Variants in ADGRD1 observed in about 807,000 individuals in gnomAD.
ADGRD1 encodes the protein G-protein coupled receptor 133.
In ADGRD1, 77 loss-of-function variants were observed where a neutral mutation model predicts 113.4. That is an observed-to-expected ratio of 0.68 (90% confidence interval 0.57 to 0.82). The LOEUF (loss-of-function observed/expected upper bound fraction) is 0.82, where lower values mean the gene tolerates loss of function less well. Among genes scored for constraint, ADGRD1 ranks in the 40% least tolerant of loss-of-function variants. The probability of loss-of-function intolerance (pLI) is 0.00; values close to 1 mark genes in which losing one functional copy is unlikely to be tolerated. For synonymous variants in ADGRD1, 474 were observed against 475.0 expected (o/e 1.00, Z 0.03); for missense variants, 1,036 against 1,139.1 (o/e 0.91, Z 1.30).
intron 18 of ADGRD1, 50 bp downstream of exon 18, chr12:131,108,927 G>A: frequency 9.7e-7 from 1 of 1,027,384 alleles, no homozygotes; most frequent in East Asian, 4.5e-5. Flanking sequence ...GACAGGAAGA[G>A]ACAGGTGGGG....
At chr12:131,094,465 G>C (rs575826764) in intron 15 of ADGRD1, among the ~76,000 whole-genome samples, 35 of 152,282 alleles carry the variant, frequency 2.3e-4, no homozygotes, top group African/African-American at 8.4e-4. Context: ...AACTGTGGAG[G>C]CTGGAGGGGC....
chr12:131,004,954 C>T (rs1415263569), intron 11 of ADGRD1, among the ~76,000 whole-genome samples: 3 of 152,342 alleles, frequency 2.0e-5, no homozygotes, highest in Admixed American at 1.3e-4. Context: ...CCTCTCCTTC[C>T]CTCCCTGGGG....
intron 15 of ADGRD1, among the ~76,000 whole-genome samples, chr12:131,088,938 A>G (rs1252720733): frequency 6.6e-6 from 1 of 152,128 alleles, no homozygotes; most frequent in Non-Finnish European, 1.5e-5. Context: ...CAGACCCCAC[A>G]TTCAGGGGGT....
Position 130,954,187 on chromosome 12 carries a change from C to G in ADGRD1, c.-279C>G. ...ACCTGGGATTGCTTTCCCAGGACTGCGAGTCGGGTTTGGGTTTCTCCTCCC... is the reference window on the plus strand; with the variant it reads ...ACCTGGGATTGCTTTCCCAGGACTGGGAGTCGGGTTTGGGTTTCTCCTCCC... On this transcript the variant is annotated 5_prime_UTR_variant, in exon 1 of 25. Transcript: ENST00000261654. The surrounding 1 kb of genome is among the most constrained non-coding windows in gnomAD (Gnocchi z 4.7). 2.7e-6 allele frequency: 1 copy of G among 371,422 alleles called. No individual in the cohort carries two copies. Among genetic ancestry groups the G allele is most frequent in the Non-Finnish European group, 4.8e-6 (1 of 210,390 alleles). 23.0% of individuals were successfully genotyped at this position (371,422 alleles called of 1,614,324 possible). A position where few individuals can be genotyped will look rare whatever the true frequency, so the allele number is the denominator to read the frequency against.
At chr12:130,985,983 G>T (rs751217591) in intron 5 of ADGRD1, among the ~76,000 whole-genome samples, 4 of 151,862 alleles carry the variant, frequency 2.6e-5, no homozygotes, top group Non-Finnish European at 4.4e-5. Flanking sequence ...ATTTTTATTG[G>T]TCTATCTCTG....
At chr12:130,958,436 G>T (rs1045110896) in intron 2 of ADGRD1, among the ~76,000 whole-genome samples, 1 of 152,082 alleles carries the variant, frequency 6.6e-6, no homozygotes, top group African/African-American at 2.4e-5. Context: ...CTGACCTCAG[G>T]TGATCCGCCT....
At chr12:131,108,517 G>A (rs1490843635) in intron 17 of ADGRD1, among the ~76,000 whole-genome samples, 1 of 152,114 alleles carries the variant, frequency 6.6e-6, no homozygotes, top group Non-Finnish European at 1.5e-5. Context: ...CATCCCTGGG[G>A]GCAACATGGT....
intron 13 of ADGRD1, among the ~76,000 whole-genome samples, chr12:131,051,828 T>G (rs548868815): frequency 6.6e-6 from 1 of 152,316 alleles, no homozygotes; most frequent in Non-Finnish European, 1.5e-5. Flanking sequence ...TCTCTACCAG[T>G]AGGCAATTAT....
intron 19 of ADGRD1, 87 bp downstream of exon 19, chr12:131,118,538 T>C (rs1950519620): frequency 1.0e-6 from 1 of 952,794 alleles, no homozygotes; most frequent in Admixed American, 2.2e-5. Flanking sequence ...CTTCCTGTGC[T>C]CTTCTGGGTG....
In ADGRD1 at chr12:131,139,524, G is replaced by T. The variant is rs1951193512; in HGVS notation, c.*261G>T. On this transcript the variant is annotated 3_prime_UTR_variant, in exon 25 of 25. Transcript: ENST00000261654. Reference sequence around the variant, plus strand: ...AGTGACTTCCTCGGGGGATTCCCAGGACACAGTGGCCTGACTGTGATGGTG... The same window carrying T: ...AGTGACTTCCTCGGGGGATTCCCAGTACACAGTGGCCTGACTGTGATGGTG... The T allele has an allele frequency of 6.6e-6, 3 of 451,512 alleles. No individual in the cohort carries two copies. The highest frequency in any genetic ancestry group is 4.0e-5 in the African/African-American group (2 of 50,222). The allele number at this position is 451,512 out of a possible 1,614,324, so 28.0% of individuals were successfully genotyped here.
chr12:131,061,028 T>G (rs760835925), intron 13 of ADGRD1, among the ~76,000 whole-genome samples: 5 of 152,178 alleles, frequency 3.3e-5, no homozygotes, highest in African/African-American at 7.2e-5. Context: ...GTGAATGAGC[T>G]CAGGATCATG....
At chr12:131,006,457 C>G (rs1877125959) in intron 12 of ADGRD1, among the ~76,000 whole-genome samples, 1 of 152,222 alleles carries the variant, frequency 6.6e-6, no homozygotes, top group Non-Finnish European at 1.5e-5. Context: ...AAACTGAGGG[C>G]TCAGGGGACT....
chr12:131,136,846 G>C, intron 22 of ADGRD1, 127 bp from the exon 23 acceptor site: 1 of 809,722 alleles, frequency 1.2e-6, no homozygotes, highest in Non-Finnish European at 2.2e-6. Context: ...ACGGGCCCCA[G>C]GTCATGGGAC....
intron 8 of ADGRD1, among the ~76,000 whole-genome samples, chr12:130,995,247 G>A (rs538375550): frequency 6.6e-6 from 1 of 152,178 alleles, no homozygotes; most frequent in Admixed American, 6.5e-5. Context: ...GGCCAGGCAG[G>A]GCTGCCCTCT....
At chr12:131,105,972 T>A in intron 17 of ADGRD1, 107 bp downstream of exon 17, 1 of 761,658 alleles carries the variant, frequency 1.3e-6, no homozygotes, top group Non-Finnish European at 2.2e-6. Context: ...TCAGAACCCA[T>A]CTCCCCAGAC....
rs975294182 is a variant in ADGRD1 at position 131,055,727 on chromosome 12, G to A, written c.1474-21074G>A. On this transcript the variant is annotated intron_variant, in intron 13 of 24. Transcript: ENST00000261654. ...AGGGAAACTGTGAGACAAAGCAGACGAACAGAAATATGAACGAGCACAGAC... is the reference window on the plus strand; with the variant it reads ...AGGGAAACTGTGAGACAAAGCAGACAAACAGAAATATGAACGAGCACAGAC... Among the ~76,000 whole-genome samples the A allele has an allele frequency of 3.3e-5, 5 of 152,156 alleles. 1 individual carries two copies. The highest frequency in any genetic ancestry group is 2.0e-4 in the Admixed American group (3 of 15,268).
chr12:131,018,341 A>G (rs1878889383), intron 13 of ADGRD1, among the ~76,000 whole-genome samples: 1 of 152,182 alleles, frequency 6.6e-6, no homozygotes, highest in Non-Finnish European at 1.5e-5. Context: ...GATGAGGGGC[A>G]TCGGCTCGGG....
At chr12:131,006,163 CG>C in intron 12 of ADGRD1, 116 bp downstream of exon 12, 1 of 920,882 alleles carries the variant, frequency 1.1e-6, no homozygotes. Context: ...ACACGAGTAC[CG>C]GGCGCTTCAC....
intron 13 of ADGRD1, among the ~76,000 whole-genome samples, chr12:131,030,974 G>A (rs1449650837): frequency 1.3e-5 from 2 of 152,192 alleles, no homozygotes; most frequent in African/African-American, 4.8e-5. Flanking sequence ...TCCTTCCAGA[G>A]GAGCACTCGC....
Sources: allele counts gnomAD v4.1 joint callset (sites outside exome capture counted in the v4.1 genomes callset), GRCh38; gene constraint gnomAD v4.1.1; non-coding constraint Gnocchi (gnomAD v3.1); transcripts MANE v1.5; gene names NCBI Gene and HGNC (gene_info 2026-07-23, HGNC 2026-07-21).